Variants in ATP8B1 observed in about 807,000 individuals in gnomAD.
ATP8B1 encodes phospholipid-transporting ATPase IC.
Under a neutral mutation model 149.9 loss-of-function variants are expected in ATP8B1, and 80 were observed. The observed-to-expected ratio is 0.53, with a 90% CI of 0.45 to 0.64. The LOEUF (loss-of-function observed/expected upper bound fraction) is 0.64, where lower values mean the gene tolerates loss of function less well. ATP8B1 is among the 30% of genes least tolerant of loss of function. The pLI is 0.00. For synonymous variants in ATP8B1, 536 were observed against 562.8 expected (o/e 0.95, Z 0.67); for missense variants, 1,247 against 1,552.6 (o/e 0.80, Z 3.31).
intron 1 of ATP8B1, among the ~76,000 whole-genome samples, chr18:57,739,220 A>G (rs2079887392): frequency 1.3e-5 from 2 of 152,062 alleles, no homozygotes. Context: ...CTGGTCTCGA[A>G]CTTCTGACCT....
chr18:57,653,659 C>T (rs78533198), intron 24 of ATP8B1, among the ~76,000 whole-genome samples: 24,990 of 148,096 alleles, frequency 0.17, 2,509 homozygotes, highest in Non-Finnish European at 0.23. Context: ...GAATTCAACC[C>T]AGTCACAGAA....
At chr18:57,700,916 CG>C (rs113551929) in intron 6 of ATP8B1, 122 bp downstream of exon 6, 81 of 1,105,424 alleles carry the variant, frequency 7.3e-5, no homozygotes, top group Non-Finnish European at 9.4e-5. Flanking sequence ...GACTCTATCT[CG>C]AAAAAAATAA....
At chr18:57,763,737 T>A (rs944852946) in intron 1 of ATP8B1, among the ~76,000 whole-genome samples, 1 of 152,064 alleles carries the variant, frequency 6.6e-6, no homozygotes, top group Non-Finnish European at 1.5e-5. Flanking sequence ...CTTTGAAAAA[T>A]TTATTTTTGC....
chr18:57,707,129 A>T (rs1216031229), intron 2 of ATP8B1, among the ~76,000 whole-genome samples: 1 of 152,052 alleles, frequency 6.6e-6, no homozygotes, highest in Non-Finnish European at 1.5e-5. Context: ...AGGTGGTGAA[A>T]CCCCGTCTCT....
intron 1 of ATP8B1, among the ~76,000 whole-genome samples, chr18:57,758,936 T>C (rs947230578): frequency 1.3e-5 from 2 of 151,818 alleles, no homozygotes; most frequent in Non-Finnish European, 2.9e-5. Flanking sequence ...GGCGGGAGGA[T>C]CACAAGGTCA....
At position 57,648,600 on chromosome 18, in the gene ATP8B1, C is replaced by G; in HGVS notation, c.3644G>C (p.Arg1215Pro). ...GGAGGAGATGAGGTCCGCGTAGCCC[C>G]GCTGGTGCGAGAAGGCGTAGGCCGA... ...RRSAYAFSHQ[R>P]GYADLISSGR... Residue 1215 changes from arginine to proline, a missense_variant, in exon 28 of 28, where the codon CGG (arginine) becomes CCG (proline). Arg to Pro is a moderately radical substitution (Grantham distance 103). Transcript: ENST00000648908. 6.2e-7 allele frequency: 1 copy of G among 1,610,972 alleles called. No homozygotes were observed. The highest frequency in any genetic ancestry group is 8.5e-7 in the Non-Finnish European group (1 of 1,179,704).
chr18:57,728,990 G>A (rs2079734371), intron 2 of ATP8B1, among the ~76,000 whole-genome samples: 1 of 152,132 alleles, frequency 6.6e-6, no homozygotes, highest in East Asian at 1.9e-4. Context: ...AAAGTGCTGG[G>A]ATTACAGGCA....
In ATP8B1 at chr18:57,655,245, G is replaced by A. The variant is rs767011725; in HGVS notation, c.2880C>T (p.Ala960=). The A allele has an allele frequency of 6.2e-7, 1 of 1,614,026 alleles. No homozygotes were observed. The highest frequency in any genetic ancestry group is 1.3e-5 in the African/African-American group (1 of 74,916). The part of the protein sequence containing the change: ...FLRYFFYKNF[A]FTLVHFWYSF... ...AGTACCAGAAATGAACCAAAGTAAA[G>A]GCAAAGTTTTTGTAAAAGAAGTATC... The change falls in exon 23 of 28, where the codon GCC becomes GCT. Residue 960 remains alanine, a synonymous_variant. Coordinates refer to ENST00000648908, the MANE Select transcript of ATP8B1 (RefSeq NM_001374385.1).
At chr18:57,735,757 G>A (rs539479) in intron 1 of ATP8B1, among the ~76,000 whole-genome samples, 25,720 of 151,396 alleles carry the variant, frequency 0.17, 2,904 homozygotes, top group East Asian at 0.48. Context: ...CACTAAATTG[G>A]CATCACCATG....
intron 1 of ATP8B1, among the ~76,000 whole-genome samples, chr18:57,749,308 GA>G (rs954460870): frequency 2.4e-4 from 37 of 152,070 alleles, no homozygotes; most frequent in Admixed American, 7.2e-4. Context: ...TTATGATTCT[GA>G]CATAAAATAA....
At position 57,652,566 on chromosome 18, in the gene ATP8B1, C is replaced by T; in HGVS notation, c.3179G>A (p.Gly1060Glu). The T allele has an allele frequency of 6.2e-7, 1 of 1,614,114 alleles. No homozygotes were observed. The highest frequency in any genetic ancestry group is 1.3e-5 in the African/African-American group (1 of 75,022). ...GTCGGAAGGTGCCTCTCCATCCTGC[C>T]CTACGGTTTGCAGATAAGCTCCAAG... ...IPLGAYLQTV[G>E]QDGEAPSDYQ... The change falls in exon 25 of 28, where the codon GGG becomes GAG. Residue 1060 changes from glycine to glutamate, a missense_variant. Gly to Glu is a moderately conservative substitution (Grantham distance 98). Around this residue, in one of 3 missense-constraint regions of ATP8B1, gnomAD observed 230 missense variants for 356.6 expected, o/e 0.65. Coordinates refer to ENST00000648908, the MANE Select transcript of ATP8B1 (RefSeq NM_001374385.1).
chr18:57,661,713 A>AT lies in ATP8B1; in HGVS notation c.2419-252dup, dbSNP rs759201755. On this transcript the variant is annotated intron_variant, in intron 21 of 27. Coordinates refer to ENST00000648908, the MANE Select transcript of ATP8B1 (RefSeq NM_001374385.1). ...CACACACACATATATATATATATAT[A>AT]TTTTTTTTTTTTTTTTTTTTGAGAT... is the stretch of plus-strand genomic sequence containing the variant. Among the ~76,000 whole-genome samples the AT allele has an allele frequency of 3.3e-4, 31 of 92,672 alleles. 1 individual carries two copies. The highest frequency in any genetic ancestry group is 2.7e-3 in the South Asian group (7 of 2,574). The allele number at this position is 92,672 out of a possible 152,430, so 60.8% of individuals were successfully genotyped here. A position where few individuals can be genotyped will look rare whatever the true frequency, so the allele number is the denominator to read the frequency against.
chr18:57,695,601 A>G (rs1255766113), intron 8 of ATP8B1, 69 bp from the exon 9 acceptor site: 4 of 1,186,852 alleles, frequency 3.4e-6, no homozygotes, highest in African/African-American at 1.5e-5. Flanking sequence ...TTAATCATCC[A>G]AAGTTACATT....
At chr18:57,681,680 A>G (rs2122801826) in intron 15 of ATP8B1, among the ~76,000 whole-genome samples, 1 of 152,154 alleles carries the variant, frequency 6.6e-6, no homozygotes, top group South Asian at 2.1e-4. Context: ...GGGCCCCTGT[A>G]GTCCCAGCTA....
chr18:57,668,108 T>A lies in ATP8B1; in HGVS notation c.2209+321A>T, dbSNP rs79089934. 1.3e-3 allele frequency: 1,754 copies of A among 1,334,310 alleles called. 16 individuals carry two copies. The African/African-American group carries it at 0.021, about 16-fold the overall frequency. The allele number at this position is 1,334,310 out of a possible 1,614,324, so 82.7% of individuals were successfully genotyped here. A position where few individuals can be genotyped will look rare whatever the true frequency, so the allele number is the denominator to read the frequency against. On this transcript the variant is annotated intron_variant, in intron 19 of 27. Coordinates refer to ENST00000648908, the MANE Select transcript of ATP8B1 (RefSeq NM_001374385.1). ...CTGTGCCCACCAAATGTCAAAGCAC[T>A]GGAAGGACAGAGGGACAAGAGGGAT...
Position 57,650,368 on chromosome 18 carries a change from T to G in ATP8B1, c.3530A>C (p.Lys1177Thr). The stretch of plus-strand genomic sequence containing the variant: ...GGGAAAGGACTATATTCTTTATACC[T>G]TATCACTTTCTGATGGCCAGATGGT... ...SMTIWPSESD[K>T]IQKHRKRLKA... Residue 1177 changes from lysine (K) to threonine (T), a missense_variant and splice_region_variant, in exon 27 of 28, where the codon AAG becomes ACG. Transcript: ENST00000648908. 1 of 1,613,056 alleles carries G rather than the reference T, an allele frequency of 6.2e-7. No individual in the cohort carries two copies. The highest frequency in any genetic ancestry group is 8.5e-7 in the Non-Finnish European group (1 of 1,179,332).
intron 1 of ATP8B1, among the ~76,000 whole-genome samples, chr18:57,764,427 T>C (rs1471507976): frequency 6.6e-6 from 1 of 151,560 alleles, no homozygotes; most frequent in African/African-American, 2.4e-5. Context: ...CTCTCTTTCT[T>C]TCTTTCTTTC....
At chr18:57,761,221 G>A (rs936081875) in intron 1 of ATP8B1, among the ~76,000 whole-genome samples, 3 of 152,078 alleles carry the variant, frequency 2.0e-5, no homozygotes, top group Non-Finnish European at 2.9e-5. Context: ...GATTATAGGC[G>A]TGAGCCATTG....
chr18:57,773,899 A>T (rs957506501), intron 1 of ATP8B1, among the ~76,000 whole-genome samples: 2 of 152,314 alleles, frequency 1.3e-5, no homozygotes, highest in Non-Finnish European at 2.9e-5. Flanking sequence ...CACCCGGATT[A>T]GAGGTAGCCC....
Sources: allele counts gnomAD v4.1 joint callset (sites outside exome capture counted in the v4.1 genomes callset), GRCh38; gene constraint gnomAD v4.1.1; regional missense constraint gnomAD v4.1.1; transcripts MANE v1.5; gene names NCBI Gene and HGNC (gene_info 2026-07-23, HGNC 2026-07-21).